The following PGAP4 variants were observed in gnomAD, a reference collection of about 807,000 sequenced individuals.
PGAP4 encodes post-GPI attachment to proteins GalNAc transferase 4, also known as GPI-N-acetylgalactosamine transferase PGAP4.
In PGAP4, 12 loss-of-function variants were observed where a neutral mutation model predicts 28.2. The observed-to-expected ratio is 0.42, with a 90% CI of 0.27 to 0.69. The LOEUF (loss-of-function observed/expected upper bound fraction) is 0.69, where lower values mean the gene tolerates loss of function less well. PGAP4 is among the 30% of genes least tolerant of loss of function. PGAP4 has a pLI of 0.22. For missense variants in PGAP4, 425 were observed against 513.5 expected (o/e 0.83, Z 1.67); for synonymous variants, 205 against 211.8 (o/e 0.97, Z 0.28).
In PGAP4 at chr9:101,523,619, CTTTTTTTT is replaced by C. The variant is rs71356369; in HGVS notation, c.-165+7721_-165+7728del. Among the ~76,000 whole-genome samples the C allele has an allele frequency of 1.9e-3, 112 of 59,342 alleles. 2 individuals are homozygous for C. Among genetic ancestry groups the C allele is most frequent in the South Asian group, 0.012 (18 of 1,522 alleles). The allele number at this position is 59,342 out of a possible 152,430, so 38.9% of individuals were successfully genotyped here. On this transcript the variant is annotated intron_variant, in intron 2 of 3. Transcript: ENST00000374851. ...ACATTTCTCCCCTCACTTCTTGTAT[CTTTTTTTT>C]TTTTTTTTTTTTTTTTTTTTTTTTT... is the stretch of plus-strand genomic sequence containing the variant.
At chr9:101,483,428 A>G (rs992246613) in intron 1 of PGAP4, among the ~76,000 whole-genome samples, 8 of 152,150 alleles carry the variant, frequency 5.3e-5, no homozygotes, top group Admixed American at 5.2e-4. Flanking sequence ...ACTTTAGAAA[A>G]CTAAGTTTTT....
intron 1 of PGAP4, chr9:101,531,616 A>C (rs1827091092): frequency 6.6e-6 from 1 of 152,234 alleles, no homozygotes. Context: ...CCCTGATTAA[A>C]GTGTCAATTG....
intron 2 of PGAP4, among the ~76,000 whole-genome samples, chr9:101,496,553 AC>A (rs1250746804): frequency 6.6e-6 from 1 of 151,444 alleles, no homozygotes; most frequent in Non-Finnish European, 1.5e-5. Context: ...CTTTAGAAAG[AC>A]TTTTAAATAA....
chr9:101,479,496 A>G (rs67224495), intron 1 of PGAP4, among the ~76,000 whole-genome samples: 9,685 of 152,274 alleles, frequency 0.064, 362 homozygotes, highest in East Asian at 0.15. Context: ...AAGAAATGGA[A>G]ACACCTAGAA....
At chr9:101,506,290 G>A (rs577703982) in intron 2 of PGAP4, among the ~76,000 whole-genome samples, 11 of 152,142 alleles carry the variant, frequency 7.2e-5, no homozygotes, top group South Asian at 6.2e-4. Flanking sequence ...GTAGACACTC[G>A]AGGCACTCTT....
intron 2 of PGAP4, among the ~76,000 whole-genome samples, chr9:101,529,895 C>G (rs996443592): frequency 6.6e-6 from 1 of 152,192 alleles, no homozygotes; most frequent in Non-Finnish European, 1.5e-5. Flanking sequence ...AGAGAGCTTT[C>G]CCCCGGAAAT....
rs1391148130 is a variant in PGAP4, at chr9:101,486,468, T to C, written c.-78+481A>G. On this transcript the variant is annotated intron_variant, in intron 1 of 1. Coordinates refer to ENST00000374848, the MANE Select transcript of PGAP4 (RefSeq NM_032342.3). The surrounding 1 kb of genome is among the most constrained non-coding windows in gnomAD (Gnocchi z 4.7). ...GCGCTCTCGGCGCGCCCGGCGAACC[T>C]AAGGTGTGGACGCGCCGCGAGGGTC... Among the ~76,000 whole-genome samples, 3 of 152,000 alleles carry C rather than the reference T, an allele frequency of 2.0e-5. No individual in the cohort carries two copies. Among genetic ancestry groups the C allele is most frequent in the Non-Finnish European group, 4.4e-5 (3 of 67,968 alleles).
At chr9:101,511,852 A>T (rs906848141) in intron 2 of PGAP4, among the ~76,000 whole-genome samples, 1 of 152,098 alleles carries the variant, frequency 6.6e-6, no homozygotes, top group Admixed American at 6.6e-5. Context: ...TATAGTCTGT[A>T]TGTTTTCTGG....
At chr9:101,492,015 T>C (rs187682950), upstream of PGAP4, among the ~76,000 whole-genome samples, 243 of 151,908 alleles carry the variant, frequency 1.6e-3, 1 homozygote, top group African/African-American at 5.5e-3. Flanking sequence ...TTACATCTTC[T>C]TCTGTACTGA....
Position 101,476,298 on chromosome 9 carries a change from C to A in PGAP4, c.795G>T (p.Trp265Cys). The A allele has an allele frequency of 6.2e-7, 1 of 1,614,084 alleles. No homozygotes were observed. ...GCCCCAGCAACATGCCTACACCAACCCATTCCAGGATCCGCATGGGCTCTG... is the reference window on the plus strand; with the variant it reads ...GCCCCAGCAACATGCCTACACCAACACATTCCAGGATCCGCATGGGCTCTG... Reference protein sequence around the residue: ...INPEPMRILEWVGVGMLLGPL... With the variant: ...INPEPMRILECVGVGMLLGPL... Residue 265 changes from tryptophan (W) to cysteine (C), a missense_variant, in exon 2 of 2, where the codon TGG (tryptophan) becomes TGT (cysteine). By Grantham distance (215) the Trp-to-Cys change is radical (BLOSUM62 -2). Transcript: ENST00000374848. This position sits in a 1 kb window ranked among gnomAD's most constrained non-coding sequence, Gnocchi z 7.0.
rs1201621110 is a variant in PGAP4 at position 101,476,376 on chromosome 9, A to T, written c.717T>A (p.Asp239Glu). 4 of 1,614,070 alleles carry T rather than the reference A, an allele frequency of 2.5e-6. No individual in the cohort carries two copies. The highest frequency in any genetic ancestry group is 3.4e-6 in the Non-Finnish European group (4 of 1,180,016). ...RARFSEPHLR[D>E]ALYLKLYHPE... Reference sequence around the variant, plus strand: ...GGTGATACAGCTTGAGATAAAGGGCATCTCTGAGATGTGGCTCAGAGAAGC... The same window carrying T: ...GGTGATACAGCTTGAGATAAAGGGCTTCTCTGAGATGTGGCTCAGAGAAGC... Residue 239 changes from aspartate (D) to glutamate (E), a missense_variant, in exon 2 of 2, where the codon GAT (aspartate) becomes GAA (glutamate). By Grantham distance (45) the Asp-to-Glu change is conservative. Coordinates refer to ENST00000374848, the MANE Select transcript of PGAP4 (RefSeq NM_032342.3). The surrounding 1 kb of genome is among the most constrained non-coding windows in gnomAD (Gnocchi z 7.0).
At chr9:101,491,283 C>T (rs1473082907), upstream of PGAP4, among the ~76,000 whole-genome samples, 2 of 151,970 alleles carry the variant, frequency 1.3e-5, no homozygotes, top group Non-Finnish European at 2.9e-5. Context: ...AATGGTTATT[C>T]CCCCCCGATA....
chr9:101,523,619 CTTTTTTTTTTTTT>C (rs71356369), intron 2 of PGAP4, among the ~76,000 whole-genome samples: 15 of 59,348 alleles, frequency 2.5e-4, no homozygotes, highest in African/African-American at 4.3e-4. Context: ...CTTCTTGTAT[CTTTTTTTTTTTTT>C]TTTTTTTTTT....
At chr9:101,485,361 C>A (rs919940522) in intron 1 of PGAP4, among the ~76,000 whole-genome samples, 1 of 152,004 alleles carries the variant, frequency 6.6e-6, no homozygotes, top group Non-Finnish European at 1.5e-5. Flanking sequence ...CAAATTTATA[C>A]GCCCATATAA....
chr9:101,514,736 A>G (rs1826928968), intron 2 of PGAP4, among the ~76,000 whole-genome samples: 1 of 152,162 alleles, frequency 6.6e-6, no homozygotes, highest in Non-Finnish European at 1.5e-5. Flanking sequence ...TAAAGGGAAT[A>G]AGGTGGCACC....
intron 1 of PGAP4, among the ~76,000 whole-genome samples, chr9:101,485,641 A>C (rs1394985906): frequency 3.3e-5 from 5 of 152,236 alleles, no homozygotes; most frequent in Non-Finnish European, 7.3e-5. Context: ...AATCAAAGAC[A>C]TGCAAATTAA....
intron 2 of PGAP4, among the ~76,000 whole-genome samples, chr9:101,507,782 G>A (rs540934737): frequency 2.0e-5 from 3 of 152,004 alleles, no homozygotes; most frequent in Non-Finnish European, 4.4e-5. Context: ...CAGTCACTAG[G>A]GCATACCCAA....
chr9:101,508,822 A>G (rs934677299), intron 2 of PGAP4, among the ~76,000 whole-genome samples: 9 of 152,126 alleles, frequency 5.9e-5, no homozygotes, highest in African/African-American at 1.7e-4. Flanking sequence ...AGATGGCCCT[A>G]TCTGAGGGTG....
At chr9:101,523,472 T>A (rs1827005537) in intron 2 of PGAP4, among the ~76,000 whole-genome samples, 1 of 151,730 alleles carries the variant, frequency 6.6e-6, no homozygotes, top group African/African-American at 2.4e-5. Context: ...TGAGTTTCTT[T>A]CTTCTACTTG....
Sources: gnomAD v4.1 joint callset for allele counts (sites outside exome capture counted in the v4.1 genomes callset) on GRCh38, gnomAD v4.1.1 for gene constraint, Gnocchi (gnomAD v3.1) non-coding constraint, MANE v1.5 for transcripts, NCBI Gene and HGNC (gene_info 2026-07-23, HGNC 2026-07-21) for gene names.